ERI1: variants seen among roughly 807,000 people sequenced by gnomAD.
ERI1 encodes the protein exoribonuclease 1, also known as 3'-5' exoribonuclease 1.
Under a neutral mutation model 39.7 loss-of-function variants are expected in ERI1, and 39 were observed. That is an observed-to-expected ratio of 0.98 (90% confidence interval 0.76 to 1.28). The LOEUF (loss-of-function observed/expected upper bound fraction) is 1.28. ERI1 is among the 50% of genes most tolerant of loss of function. ERI1 has a pLI of 0.00. For synonymous variants in ERI1, 204 were observed against 149.6 expected, an observed-to-expected ratio of 1.36 and a Z score of -2.65; for missense variants, 581 against 416.9, an observed-to-expected ratio of 1.39 and a Z score of -3.43.
chr8:9,044,109 C>T (rs1266270303), intron 3 of ERI1, among the ~76,000 whole-genome samples: 1 of 152,066 alleles, frequency 6.6e-6, no homozygotes, highest in Non-Finnish European at 1.5e-5. Flanking sequence ...GGGTTGTTGT[C>T]GGAGTTAAAT....
intron 1 of ERI1, among the ~76,000 whole-genome samples, chr8:9,005,290 T>G (rs1313348101): frequency 6.6e-6 from 1 of 152,144 alleles, no homozygotes; most frequent in Non-Finnish European, 1.5e-5. Context: ...CAAAATGTTC[T>G]CTATACAGAA....
chr8:9,065,994 C>A (rs534843004), intron 3 of ERI1, among the ~76,000 whole-genome samples: 1 of 152,036 alleles, frequency 6.6e-6, no homozygotes, highest in Non-Finnish European at 1.5e-5. Context: ...AGGTCACGGC[C>A]GCCTTTTTTT....
intron 3 of ERI1, among the ~76,000 whole-genome samples, chr8:9,067,381 C>CGTGTGTGT (rs1563369279): frequency 4.3e-5 from 3 of 69,000 alleles, no homozygotes; most frequent in Admixed American, 1.9e-4. Context: ...AACCTGTGTG[C>CGTGTGTGT]ATGTGTGTGT....
At chr8:9,011,896 T>A (rs1816712366) in intron 3 of ERI1, 144 bp downstream of exon 3, 1 of 550,210 alleles carries the variant, frequency 1.8e-6, no homozygotes, top group South Asian at 3.0e-5. Flanking sequence ...TTATATCAGC[T>A]TGATTAATAG....
intron 3 of ERI1, among the ~76,000 whole-genome samples, chr8:9,064,935 G>C (rs958316658): frequency 6.6e-6 from 1 of 152,182 alleles, no homozygotes; most frequent in African/African-American, 2.4e-5. Flanking sequence ...TATAGGATTT[G>C]GGTAAGTAAA....
At chr8:9,079,070 T>C (rs1282406349) in intron 3 of ERI1, among the ~76,000 whole-genome samples, 1 of 152,064 alleles carries the variant, frequency 6.6e-6, no homozygotes, top group Non-Finnish European at 1.5e-5. Context: ...GAAGACAGGA[T>C]GTTGAAAGGA....
intron 6 of ERI1, among the ~76,000 whole-genome samples, chr8:9,023,453 A>G (rs904458481): frequency 4.0e-4 from 61 of 152,178 alleles, no homozygotes; most frequent in Admixed American, 2.6e-3. Context: ...GCATAAATCT[A>G]CAGCTCACAG....
At chr8:9,093,374 CT>C (rs1210633215) in intron 3 of ERI1, among the ~76,000 whole-genome samples, 1 of 152,134 alleles carries the variant, frequency 6.6e-6, no homozygotes, top group Admixed American at 6.5e-5. Context: ...ACACAGTCGC[CT>C]TCTGAAGTAC....
chr8:9,093,396 A>G (rs928484715), intron 3 of ERI1, among the ~76,000 whole-genome samples: 1 of 152,060 alleles, frequency 6.6e-6, no homozygotes, highest in African/African-American at 2.4e-5. Context: ...TGGGGGTTGA[A>G]ACTTTAATAT....
intron 3 of ERI1, among the ~76,000 whole-genome samples, chr8:9,069,323 A>G (rs539469817): frequency 1.3e-5 from 2 of 152,230 alleles, no homozygotes; most frequent in African/African-American, 4.8e-5. Context: ...AAAAATTTTT[A>G]AAAGCACTTA....
chr8:9,025,413 C>G (rs774332195), intron 6 of ERI1, among the ~76,000 whole-genome samples: 1 of 152,230 alleles, frequency 6.6e-6, no homozygotes, highest in Non-Finnish European at 1.5e-5. Context: ...ACTTGTTCAG[C>G]TGATTCATGT....
intron 6 of ERI1, among the ~76,000 whole-genome samples, chr8:9,026,840 A>G (rs893618523): frequency 3.3e-5 from 5 of 149,470 alleles, no homozygotes; most frequent in Non-Finnish European, 7.4e-5. Context: ...GATAAGGAAT[A>G]TTTAACCTGT....
intron 3 of ERI1, among the ~76,000 whole-genome samples, chr8:9,065,491 C>G (rs1045105559): frequency 6.6e-6 from 1 of 151,828 alleles, no homozygotes; most frequent in Non-Finnish European, 1.5e-5. Context: ...GTCAGGAGAT[C>G]GAGACCATCT....
At chr8:9,090,282 G>T (rs1585301265) in intron 3 of ERI1, among the ~76,000 whole-genome samples, 1 of 152,256 alleles carries the variant, frequency 6.6e-6, no homozygotes, top group East Asian at 1.9e-4. Flanking sequence ...GGTGAGCTCA[G>T]GTGCATTTTG....
chr8:9,048,035 C>G (rs754976467), intron 3 of ERI1, among the ~76,000 whole-genome samples: 3 of 152,210 alleles, frequency 2.0e-5, no homozygotes, highest in Non-Finnish European at 4.4e-5. Flanking sequence ...AGTGGGAAAG[C>G]CAGGACTTGA....
At chr8:9,017,095 A>G (rs980272193) in intron 4 of ERI1, among the ~76,000 whole-genome samples, 1 of 152,020 alleles carries the variant, frequency 6.6e-6, no homozygotes, top group African/African-American at 2.4e-5. Flanking sequence ...GCTGGAGTGC[A>G]GTGGCACGAT....
At chr8:9,011,518 A>G in intron 2 of ERI1, 24 bp from the exon 3 acceptor site, 1 of 1,506,852 alleles carries the variant, frequency 6.6e-7, no homozygotes, top group Non-Finnish European at 9.1e-7. Context: ...ACCTAAGTGT[A>G]ACTAGTCTTC....
chr8:9,056,048 T>C (rs1798497093), intron 3 of ERI1, among the ~76,000 whole-genome samples: 1 of 152,228 alleles, frequency 6.6e-6, no homozygotes, highest in African/African-American at 2.4e-5. Context: ...ACATTGTTAC[T>C]TGGATCCTAA....
chr8:9,055,067 A>T (rs1362488656), intron 3 of ERI1, among the ~76,000 whole-genome samples: 1 of 152,236 alleles, frequency 6.6e-6, no homozygotes, highest in Non-Finnish European at 1.5e-5. Flanking sequence ...CAATTCGCGA[A>T]TCAGCAGCTG....
Sources: gnomAD v4.1 joint callset for allele counts (sites outside exome capture counted in the v4.1 genomes callset) on GRCh38, gnomAD v4.1.1 for gene constraint, MANE v1.5 for transcripts, NCBI Gene and HGNC (gene_info 2026-07-23, HGNC 2026-07-21) for gene names.